LRP1B: variants seen among roughly 807,000 people sequenced by gnomAD.
The protein encoded by LRP1B is low-density lipoprotein receptor-related protein 1B.
LRP1B carries 217 observed loss-of-function variants against 556.6 expected under a neutral mutation model. The ratio of observed to expected loss-of-function variants is 0.39; its 90% confidence interval spans 0.35 to 0.44. The LOEUF (loss-of-function observed/expected upper bound fraction) is 0.44, where lower values mean the gene tolerates loss of function less well. Among genes scored for constraint, LRP1B ranks in the 20% least tolerant of loss-of-function variants. The pLI, the probability that LRP1B is intolerant of heterozygous loss-of-function variation, is 1.00. For missense variants in LRP1B, 5,053 were observed against 5,620.8 expected (o/e 0.90, Z 3.23); for synonymous variants, 2,047 against 1,865.8 (o/e 1.10, Z -2.50).
At chr2:140,745,140 AAG>A (rs1303243889) in intron 35 of LRP1B, among the ~76,000 whole-genome samples, 1 of 152,294 alleles carries the variant, frequency 6.6e-6, no homozygotes, top group East Asian at 1.9e-4. Flanking sequence ...CTTGAAAACT[AAG>A]AGATATGCAA....
chr2:140,700,311 T>G lies in LRP1B; in HGVS notation c.6738A>C (p.Ala2246=). ...TAATAAGCTGTATATTTCCAAAGTGTGCATCACTGTAAAAGATTCGGTTGG... is the reference window on the plus strand; with the variant it reads ...TAATAAGCTGTATATTTCCAAAGTGGGCATCACTGTAAAAGATTCGGTTGG... ...KGTNRIFYSD[A]HFGNIQLIKD... is the part of the protein sequence containing the mutation. The change falls in exon 41 of 91, where the codon GCA becomes GCC. Residue 2246 remains alanine (A), a synonymous_variant. Transcript: ENST00000389484. The G allele has an allele frequency of 6.2e-7, 1 of 1,612,632 alleles. No individual in the cohort carries two copies. Among genetic ancestry groups the G allele is most frequent in the Non-Finnish European group, 8.5e-7 (1 of 1,179,056 alleles).
intron 81 of LRP1B, among the ~76,000 whole-genome samples, chr2:140,322,644 TAGG>T (rs1301729425): frequency 3.3e-5 from 5 of 151,940 alleles, no homozygotes; most frequent in African/African-American, 9.7e-5. Context: ...TTCCATCAAG[TAGG>T]AGTTTGTGTG....
chr2:140,325,784 T>C lies in LRP1B; in HGVS notation c.12318A>G (p.Val4106=), dbSNP rs202220968. Residue 4106 remains valine (V), a synonymous_variant, in exon 80 of 91, where the codon GTA becomes GTG. Transcript: ENST00000389484. ...GSVLYDGSNS[V]VSVSSKQGLL... is the part of the protein sequence containing the mutation. ...AACCTTGTTTGCTGCTGACAGAGAC[T>C]ACTGAATTAGAGCCATCATACAGAA... 29 of 1,611,866 alleles carry C rather than the reference T, an allele frequency of 1.8e-5. No individual in the cohort carries two copies. In the East Asian group the frequency reaches 6.5e-4, roughly 36 times the overall value.
chr2:141,435,678 C>G (rs1559069310), intron 3 of LRP1B, among the ~76,000 whole-genome samples: 2 of 152,170 alleles, frequency 1.3e-5, no homozygotes, highest in African/African-American at 4.8e-5. Context: ...GTAGCTTACC[C>G]TGGTCTTTTT....
chr2:141,657,375 A>C (rs2105389098), intron 2 of LRP1B, among the ~76,000 whole-genome samples: 1 of 152,224 alleles, frequency 6.6e-6, no homozygotes, highest in Admixed American at 6.5e-5. Flanking sequence ...CGGATCAAAT[A>C]AATTTTATTC....
intron 2 of LRP1B, among the ~76,000 whole-genome samples, chr2:141,756,812 G>T (rs550575450): frequency 4.1e-4 from 62 of 152,096 alleles, no homozygotes; most frequent in African/African-American, 1.5e-3. Context: ...GTATGTAGTG[G>T]GGTATACCAT....
chr2:140,814,637 G>A (rs2105039284), intron 31 of LRP1B, among the ~76,000 whole-genome samples: 2 of 152,156 alleles, frequency 1.3e-5, no homozygotes, highest in South Asian at 4.1e-4. Flanking sequence ...ATTTAAATTG[G>A]TGATTTCATC....
rs1417592688 is a variant in LRP1B, at chr2:141,822,118, C to CAGAGAGAGAG, written c.83-11718_83-11717insCTCTCTCTCT. Among the ~76,000 whole-genome samples, 226 of 102,936 alleles carry CAGAGAGAGAG rather than the reference C, an allele frequency of 2.2e-3. 1 individual carries two copies. Among genetic ancestry groups the CAGAGAGAGAG allele is most frequent in the African/African-American group, 8.7e-3 (207 of 23,840 alleles). 67.5% of individuals were successfully genotyped at this position (102,936 alleles called of 152,430 possible). On this transcript the variant is annotated intron_variant, in intron 1 of 90. Coordinates refer to ENST00000389484, the MANE Select transcript of LRP1B (RefSeq NM_018557.3). ...ACACACACACACACACACACACACA[C>CAGAGAGAGAG]ACACACACACACAGAGAGAGAGAGA...
intron 37 of LRP1B, among the ~76,000 whole-genome samples, chr2:140,706,865 T>C (rs1686857558): frequency 6.6e-6 from 1 of 151,814 alleles, no homozygotes; most frequent in South Asian, 2.1e-4. Flanking sequence ...ATACTCAACC[T>C]GAAAAAATAC....
At chr2:141,775,042 C>T (rs1284830849) in intron 2 of LRP1B, among the ~76,000 whole-genome samples, 1 of 152,184 alleles carries the variant, frequency 6.6e-6, no homozygotes, top group African/African-American at 2.4e-5. Context: ...CTTTATGACA[C>T]CTGAATGACA....
At chr2:141,451,658 T>A (rs1418889097) in intron 3 of LRP1B, among the ~76,000 whole-genome samples, 1 of 152,196 alleles carries the variant, frequency 6.6e-6, no homozygotes, top group Non-Finnish European at 1.5e-5. Flanking sequence ...CAGAAGGGCT[T>A]CTTTTTATAC....
intron 1 of LRP1B, among the ~76,000 whole-genome samples, chr2:141,914,946 A>G (rs10198650): frequency 0.37 from 56,334 of 152,072 alleles, 11,445 homozygotes; most frequent in Admixed American, 0.5. Context: ...TATAGATTCA[A>G]TATTATTTCT....
intron 43 of LRP1B, among the ~76,000 whole-genome samples, chr2:140,553,026 T>C (rs1357961142): frequency 6.6e-6 from 1 of 152,014 alleles, no homozygotes; most frequent in Non-Finnish European, 1.5e-5. Context: ...AGACAACATA[T>C]TTCCAACACC....
chr2:140,396,932 A>G (rs1684281813), intron 66 of LRP1B, among the ~76,000 whole-genome samples: 1 of 152,116 alleles, frequency 6.6e-6, no homozygotes, highest in African/African-American at 2.4e-5. Context: ...GTGAATAGAT[A>G]TTACTATAAC....
At chr2:140,462,697 G>A (rs1297681005) in intron 60 of LRP1B, among the ~76,000 whole-genome samples, 1 of 152,198 alleles carries the variant, frequency 6.6e-6, no homozygotes, top group Non-Finnish European at 1.5e-5. Context: ...GGCACAGGAA[G>A]AGGGCAAAGA....
intron 3 of LRP1B, among the ~76,000 whole-genome samples, chr2:141,469,786 G>A (rs142011640): frequency 2.8e-4 from 43 of 152,228 alleles, no homozygotes; most frequent in African/African-American, 9.6e-4. Context: ...TCATTGGAAT[G>A]TCCTTTCTTA....
intron 1 of LRP1B, among the ~76,000 whole-genome samples, chr2:142,022,527 T>C (rs1381250934): frequency 6.6e-6 from 1 of 152,148 alleles, no homozygotes; most frequent in Non-Finnish European, 1.5e-5. Flanking sequence ...CAGTGTATAC[T>C]CCTTACTTGG....
intron 35 of LRP1B, among the ~76,000 whole-genome samples, chr2:140,766,965 A>G (rs1689143497): frequency 6.6e-6 from 1 of 151,016 alleles, no homozygotes; most frequent in South Asian, 2.1e-4. Flanking sequence ...CAGGCACTTT[A>G]TTAAACATTT....
At chr2:141,544,365 T>TTCTTCTTCTTCTTCTTCTTCTTCTTCC (rs1685453753) in intron 2 of LRP1B, among the ~76,000 whole-genome samples, 1 of 106,062 alleles carries the variant, frequency 9.4e-6, no homozygotes, top group Non-Finnish European at 2.0e-5. Flanking sequence ...CTTCTTCTTC[T>TTCTTCTTCTTCTTCTTCTTCTTCTTCC]TCTTCTTCTT....
Sources: gnomAD v4.1 joint callset for allele counts (sites outside exome capture counted in the v4.1 genomes callset) on GRCh38, gnomAD v4.1.1 for gene constraint, MANE v1.5 for transcripts, NCBI Gene and HGNC (gene_info 2026-07-23, HGNC 2026-07-21) for gene names.